The following TBC1D4 variants were observed in gnomAD, a reference collection of about 807,000 sequenced individuals.
The protein encoded by TBC1D4 is TBC1 domain family member 4.
TBC1D4 carries 121 observed loss-of-function variants against 142.5 expected under a neutral mutation model. That is an observed-to-expected ratio of 0.85 (90% CI 0.73 to 0.99). TBC1D4 has a LOEUF of 0.99. Among genes scored for constraint, TBC1D4 ranks in the 50% least tolerant of loss-of-function variants. The pLI, the probability that TBC1D4 is intolerant of heterozygous loss-of-function variation, is 0.00. For synonymous variants in TBC1D4, 630 were observed against 628.2 expected (o/e 1.00, Z -0.04); for missense variants, 1,475 against 1,606.6 (o/e 0.92, Z 1.40).
intron 1 of TBC1D4, among the ~76,000 whole-genome samples, chr13:75,399,949 A>G (rs1202354323): frequency 6.6e-6 from 1 of 152,118 alleles, no homozygotes; most frequent in Non-Finnish European, 1.5e-5. Flanking sequence ...GGGAGAGACC[A>G]AAAGGAGAGC....
intron 1 of TBC1D4, among the ~76,000 whole-genome samples, chr13:75,453,728 G>A (rs1887618113): frequency 6.6e-6 from 1 of 152,018 alleles, no homozygotes; most frequent in Non-Finnish European, 1.5e-5. Flanking sequence ...CAGGGGTGGT[G>A]GCATGTGCCT....
intron 11 of TBC1D4, among the ~76,000 whole-genome samples, chr13:75,322,635 C>G (rs1300639239): frequency 6.6e-6 from 1 of 152,166 alleles, no homozygotes; most frequent in Non-Finnish European, 1.5e-5. Context: ...CTAATTGTCA[C>G]TTTCAGGCAT....
At chr13:75,360,925 T>C (rs569107017) in intron 2 of TBC1D4, among the ~76,000 whole-genome samples, 4 of 152,286 alleles carry the variant, frequency 2.6e-5, no homozygotes, top group African/African-American at 7.2e-5. Flanking sequence ...ACCGGTACTA[T>C]TTACCAAAAT....
At chr13:75,326,520 C>T in intron 9 of TBC1D4, 97 bp from the exon 10 acceptor site, 1 of 1,276,900 alleles carries the variant, frequency 7.8e-7, no homozygotes, top group Non-Finnish European at 1.1e-6. Context: ...GCCTCATCTT[C>T]CTCCTGAGTC....
chr13:75,397,753 A>G (rs1455109496), intron 1 of TBC1D4, among the ~76,000 whole-genome samples: 2 of 152,212 alleles, frequency 1.3e-5, no homozygotes, highest in African/African-American at 2.4e-5. Context: ...ATAATCTACC[A>G]ATGCTAAACC....
intron 1 of TBC1D4, among the ~76,000 whole-genome samples, chr13:75,479,401 T>C (rs773448572): frequency 6.6e-6 from 1 of 152,176 alleles, no homozygotes; most frequent in Non-Finnish European, 1.5e-5. Flanking sequence ...AAGGGGGAAG[T>C]GAGCCTAAAC....
intron 17 of TBC1D4, among the ~76,000 whole-genome samples, chr13:75,296,051 A>G (rs1875883594): frequency 6.6e-6 from 1 of 151,606 alleles, no homozygotes; most frequent in South Asian, 2.1e-4. Context: ...AAAAAAATCA[A>G]AAACTATGCA....
intron 1 of TBC1D4, among the ~76,000 whole-genome samples, chr13:75,480,032 A>AG (rs1407921806): frequency 0.018 from 44 of 2,462 alleles, no homozygotes; most frequent in Non-Finnish European, 0.11. Context: ...ACTCCGTCTC[A>AG]AAAAAAAAAA....
intron 1 of TBC1D4, among the ~76,000 whole-genome samples, chr13:75,409,517 C>G (rs376569703): frequency 2.0e-5 from 3 of 152,142 alleles, no homozygotes; most frequent in East Asian, 1.9e-4. Context: ...AGGTTCCCCC[C>G]CTCTTCAAAA....
At chr13:75,307,012 C>T (rs367602992) in intron 14 of TBC1D4, among the ~76,000 whole-genome samples, 1 of 152,154 alleles carries the variant, frequency 6.6e-6, no homozygotes, top group South Asian at 2.1e-4. Context: ...ACTCTGTACC[C>T]CAAGCTGGAG....
chr13:75,323,090 A>C (rs1393035488), intron 11 of TBC1D4, among the ~76,000 whole-genome samples: 1 of 152,194 alleles, frequency 6.6e-6, no homozygotes, highest in Non-Finnish European at 1.5e-5. Flanking sequence ...GTCTACTTTA[A>C]CTAGTGAGTG....
chr13:75,312,700 C>T (rs751507338), intron 13 of TBC1D4, 38 bp downstream of exon 13: 1 of 1,613,900 alleles, frequency 6.2e-7, no homozygotes, highest in South Asian at 1.1e-5. Context: ...ATTTCTGACA[C>T]TCAGAGGGAT....
At chr13:75,383,139 T>G (rs563119691) in intron 1 of TBC1D4, among the ~76,000 whole-genome samples, 2 of 152,116 alleles carry the variant, frequency 1.3e-5, no homozygotes, top group African/African-American at 4.8e-5. Flanking sequence ...CTGGCCAACA[T>G]AGTGAAATCC....
At position 75,336,987 on chromosome 13, in the gene TBC1D4, T is replaced by C. The variant is rs769925865; in HGVS notation, c.1665A>G (p.Lys555=). The change falls in exon 8 of 21, where the codon AAA becomes AAG. Residue 555 remains lysine (K), a synonymous_variant. Coordinates refer to ENST00000377636, the MANE Select transcript of TBC1D4 (RefSeq NM_014832.5). ...PENATSSGRF[K]LDILKNKAKR... is the part of the protein sequence containing the mutation. ...TAGCTTTATTTTTCAGAATGTCAAG[T>C]TTGAACCTTCCACTGCTTGTTGCAT... 2 of 1,613,576 alleles carry C rather than the reference T, an allele frequency of 1.2e-6. No homozygotes were observed. Among genetic ancestry groups the C allele is most frequent in the South Asian group, 2.2e-5 (2 of 91,062 alleles).
At chr13:75,349,016 G>C (rs927613359) in intron 5 of TBC1D4, among the ~76,000 whole-genome samples, 154 bp downstream of exon 5, 3 of 151,324 alleles carry the variant, frequency 2.0e-5, no homozygotes, top group Non-Finnish European at 4.4e-5. Context: ...AGCAGAGATT[G>C]ACAGCCCACT....
chr13:75,376,480 C>T (rs1278646901), intron 1 of TBC1D4, among the ~76,000 whole-genome samples: 1 of 151,300 alleles, frequency 6.6e-6, no homozygotes, highest in East Asian at 2.0e-4. Flanking sequence ...CGGGCTCAAG[C>T]AATTCTCCTG....
At chr13:75,320,893 A>G (rs1878709931) in intron 11 of TBC1D4, among the ~76,000 whole-genome samples, 1 of 143,346 alleles carries the variant, frequency 7.0e-6, no homozygotes, top group African/African-American at 2.6e-5. Flanking sequence ...AAAAAAAATT[A>G]GCCGGGCATG....
At chr13:75,324,481 C>G in intron 10 of TBC1D4, 80 bp from the exon 11 acceptor site, 2 of 1,513,254 alleles carry the variant, frequency 1.3e-6, no homozygotes, top group African/African-American at 1.4e-5. Flanking sequence ...AGCATATAAA[C>G]AGGTTCTTGC....
chr13:75,313,537 T>C (rs1278280517), intron 12 of TBC1D4, among the ~76,000 whole-genome samples: 1 of 152,222 alleles, frequency 6.6e-6, no homozygotes, highest in African/African-American at 2.4e-5. Context: ...ACATTTATTT[T>C]GTGAGATAAG....
Sources: allele counts gnomAD v4.1 joint callset (sites outside exome capture counted in the v4.1 genomes callset), GRCh38; gene constraint gnomAD v4.1.1; transcripts MANE v1.5; gene names NCBI Gene and HGNC (gene_info 2026-07-23, HGNC 2026-07-21).